ADGRB3: variants seen among roughly 807,000 people sequenced by gnomAD.
ADGRB3 encodes brain-specific angiogenesis inhibitor 3.
ADGRB3 carries 37 observed loss-of-function variants against 193.4 expected under a neutral mutation model. That is an observed-to-expected ratio of 0.19 (90% CI 0.15 to 0.25). The LOEUF is 0.25. ADGRB3 is among the 10% of genes least tolerant of loss of function. ADGRB3 has a pLI of 1.00. For missense variants in ADGRB3, 1,637 were observed against 1,852.9 expected (o/e 0.88, Z 2.14); for synonymous variants, 690 against 644.2 (o/e 1.07, Z -1.08).
chr6:68,876,060 G>A (rs556347089), intron 3 of ADGRB3, among the ~76,000 whole-genome samples: 103 of 151,262 alleles, frequency 6.8e-4, no homozygotes, highest in African/African-American at 2.3e-3. Flanking sequence ...TATATAATTC[G>A]GCTACTCTTA....
intron 17 of ADGRB3, among the ~76,000 whole-genome samples, chr6:69,219,690 A>G (rs1765852571): frequency 6.6e-6 from 1 of 151,588 alleles, no homozygotes; most frequent in African/African-American, 2.4e-5. Context: ...TGACTGAATC[A>G]GTAAGCAAAA....
intron 6 of ADGRB3, among the ~76,000 whole-genome samples, chr6:68,954,538 C>A (rs1273384598): frequency 6.6e-6 from 1 of 152,144 alleles, no homozygotes; most frequent in Non-Finnish European, 1.5e-5. Flanking sequence ...TTCCTAGTAA[C>A]TTTCTAATCT....
intron 17 of ADGRB3, among the ~76,000 whole-genome samples, chr6:69,130,876 A>G (rs1029747947): frequency 1.3e-5 from 2 of 152,004 alleles, no homozygotes; most frequent in African/African-American, 2.4e-5. Flanking sequence ...TGGTTCTTCC[A>G]CCTAGCAAAT....
chr6:68,940,539 CT>C (rs1767605989), intron 5 of ADGRB3, among the ~76,000 whole-genome samples: 1 of 56,484 alleles, frequency 1.8e-5, no homozygotes, highest in African/African-American at 6.1e-5. Flanking sequence ...CTAAGGAATG[CT>C]TTTGAACTTT....
intron 17 of ADGRB3, among the ~76,000 whole-genome samples, chr6:69,220,152 AT>A (rs1224935135): frequency 1.3e-5 from 2 of 151,952 alleles, no homozygotes; most frequent in Non-Finnish European, 2.9e-5. Flanking sequence ...CCATTAGACC[AT>A]TTTTTTAGGT....
intron 3 of ADGRB3, among the ~76,000 whole-genome samples, chr6:68,681,609 T>C (rs2127298406): frequency 6.6e-6 from 1 of 152,240 alleles, no homozygotes; most frequent in East Asian, 1.9e-4. Context: ...TAAAAGGCAC[T>C]TTTTTCTCAA....
At chr6:69,381,652 G>T (rs1202403318) in intron 30 of ADGRB3, among the ~76,000 whole-genome samples, 1 of 151,834 alleles carries the variant, frequency 6.6e-6, no homozygotes, top group Non-Finnish European at 1.5e-5. Flanking sequence ...GTGCTTCTCT[G>T]CAGTGTCTTT....
intron 28 of ADGRB3, among the ~76,000 whole-genome samples, chr6:69,360,395 CATTA>C (rs1769426225): frequency 6.6e-6 from 1 of 151,784 alleles, no homozygotes; most frequent in South Asian, 2.1e-4. Context: ...ATGAAGTTCC[CATTA>C]ATTATCCCTT....
intron 20 of ADGRB3, among the ~76,000 whole-genome samples, chr6:69,291,455 A>G (rs1275629187): frequency 6.6e-6 from 1 of 152,154 alleles, no homozygotes; most frequent in East Asian, 1.9e-4. Flanking sequence ...CAGAACTAGG[A>G]TTCAAAGGTA....
chr6:68,743,979 AATATATGT>A (rs1425571394), intron 3 of ADGRB3, among the ~76,000 whole-genome samples: 7 of 152,052 alleles, frequency 4.6e-5, no homozygotes, highest in African/African-American at 1.7e-4. Flanking sequence ...TTTAAAACAC[AATATATGT>A]ATATATGTAT....
intron 20 of ADGRB3, among the ~76,000 whole-genome samples, chr6:69,300,333 A>G (rs13191298): frequency 0.17 from 25,415 of 151,742 alleles, 2,513 homozygotes; most frequent in African/African-American, 0.26. Context: ...AATAAAGGCC[A>G]TGTATGAAAA....
Position 69,361,494 on chromosome 6 carries a change from A to G in ADGRB3, c.4221A>G (p.Ile1407Met). Residue 1407 changes from isoleucine (I) to methionine (M), a missense_variant, in exon 29 of 32, where the codon ATA becomes ATG. By Grantham distance (10) the Ile-to-Met change is conservative (BLOSUM62 1). Around this residue, in one of 7 missense-constraint regions of ADGRB3, gnomAD observed 368 missense variants for 367.4 expected, o/e 1.00. Transcript: ENST00000370598. ...CAAGAAGTGAAACTGGATCAACGAT[A>G]TCAATGAGTTCTTTAGAGGTGAGCC... ...GLSRSETGST[I>M]SMSSLERRKS... 1 of 1,612,222 alleles carries G rather than the reference A, an allele frequency of 6.2e-7. No homozygotes were observed. The highest frequency in any genetic ancestry group is 1.7e-5 in the Admixed American group (1 of 59,826).
At chr6:69,303,091 A>G (rs1767982060) in intron 20 of ADGRB3, among the ~76,000 whole-genome samples, 1 of 151,980 alleles carries the variant, frequency 6.6e-6, no homozygotes, top group Non-Finnish European at 1.5e-5. Context: ...TTAGACAATA[A>G]TTGATATTAT....
intron 11 of ADGRB3, among the ~76,000 whole-genome samples, chr6:69,007,105 T>C (rs1769781838): frequency 6.6e-6 from 1 of 152,154 alleles, no homozygotes; most frequent in Admixed American, 6.5e-5. Context: ...TGCTGCTTCT[T>C]ATGTGGTAGC....
intron 11 of ADGRB3, among the ~76,000 whole-genome samples, chr6:69,012,951 T>C (rs781631183): frequency 1.1e-4 from 16 of 152,110 alleles, no homozygotes; most frequent in Middle Eastern, 3.4e-3. Context: ...GAAGTAGTGC[T>C]ACTGCTGACC....
chr6:68,950,045 A>G (rs991992619), intron 6 of ADGRB3, among the ~76,000 whole-genome samples: 8 of 152,028 alleles, frequency 5.3e-5, no homozygotes, highest in African/African-American at 1.4e-4. Flanking sequence ...ACATATGCCC[A>G]AAGCAAGAGG....
At chr6:68,776,436 G>A (rs1582192144) in intron 3 of ADGRB3, among the ~76,000 whole-genome samples, 1 of 152,168 alleles carries the variant, frequency 6.6e-6, no homozygotes, top group East Asian at 1.9e-4. Flanking sequence ...AATGGGGTAT[G>A]ACCCCTCTGG....
At chr6:68,768,549 A>T (rs1582184820) in intron 3 of ADGRB3, among the ~76,000 whole-genome samples, 1 of 152,358 alleles carries the variant, frequency 6.6e-6, no homozygotes, top group South Asian at 2.1e-4. Flanking sequence ...CTCAAGATGG[A>T]TTAAAGATGT....
chr6:68,702,560 A>G (rs900788110), intron 3 of ADGRB3, among the ~76,000 whole-genome samples: 1 of 152,208 alleles, frequency 6.6e-6, no homozygotes, highest in African/African-American at 2.4e-5. Context: ...TCAGTGAGAC[A>G]GCCTACAGGG....
Sources: allele counts gnomAD v4.1 joint callset (sites outside exome capture counted in the v4.1 genomes callset), GRCh38; gene constraint gnomAD v4.1.1; regional missense constraint gnomAD v4.1.1; transcripts MANE v1.5; gene names NCBI Gene and HGNC (gene_info 2026-07-23, HGNC 2026-07-21).